The following ANO2 variants were observed in gnomAD, a reference collection of about 807,000 sequenced individuals.
ANO2 encodes anoctamin 2, also known as anoctamin-2.
Under a neutral mutation model 124.2 loss-of-function variants are expected in ANO2, and 101 were observed. The ratio of observed to expected loss-of-function variants is 0.81; its 90% CI spans 0.69 to 0.96. ANO2 has a LOEUF of 0.96. ANO2 is among the 40% of genes least tolerant of loss of function. The pLI is 0.00. For synonymous variants in ANO2, 486 were observed against 482.5 expected, an observed-to-expected ratio of 1.01 and a Z score of -0.09; for missense variants, 1,293 against 1,274.5, an observed-to-expected ratio of 1.01 and a Z score of -0.22.
chr12:5,579,226 G>A (rs1399902297), intron 20 of ANO2, among the ~76,000 whole-genome samples: 1 of 152,248 alleles, frequency 6.6e-6, no homozygotes, highest in Non-Finnish European at 1.5e-5. Context: ...TGGCCTGCAA[G>A]AAGCTGGGTT....
chr12:5,811,902 G>C (rs192324401), intron 7 of ANO2, among the ~76,000 whole-genome samples: 1 of 152,132 alleles, frequency 6.6e-6, no homozygotes, highest in South Asian at 2.1e-4. Flanking sequence ...AAGAGGGAAA[G>C]GTTGAGTTGT....
intron 10 of ANO2, among the ~76,000 whole-genome samples, chr12:5,777,654 T>C (rs1201437806): frequency 3.3e-5 from 5 of 151,912 alleles, no homozygotes; most frequent in Non-Finnish European, 5.9e-5. Context: ...GAAAAACACA[T>C]ACAGATTTTT....
intron 3 of ANO2, among the ~76,000 whole-genome samples, chr12:5,909,301 G>T (rs141828618): frequency 4.5e-4 from 68 of 152,204 alleles, no homozygotes; most frequent in African/African-American, 1.6e-3. Context: ...GCTTCCAAAG[G>T]TTTAACAAAA....
intron 10 of ANO2, among the ~76,000 whole-genome samples, chr12:5,764,295 T>A (rs1951817763): frequency 6.6e-6 from 1 of 152,220 alleles, no homozygotes; most frequent in African/African-American, 2.4e-5. Context: ...TCCATGTCAA[T>A]ACAGTAATAG....
At chr12:5,837,075 T>A (rs918563413) in intron 4 of ANO2, among the ~76,000 whole-genome samples, 1 of 152,148 alleles carries the variant, frequency 6.6e-6, no homozygotes, top group African/African-American at 2.4e-5. Context: ...CAAACAGTCA[T>A]AAGACAACTG....
intron 14 of ANO2, among the ~76,000 whole-genome samples, chr12:5,691,972 G>A (rs1948963332): frequency 6.6e-6 from 1 of 152,158 alleles, no homozygotes; most frequent in African/African-American, 2.4e-5. Context: ...AAAGATGGCA[G>A]CCAGATCTTG....
intron 14 of ANO2, among the ~76,000 whole-genome samples, chr12:5,661,489 T>C (rs914161961): frequency 6.6e-6 from 1 of 152,134 alleles, no homozygotes; most frequent in African/African-American, 2.4e-5. Flanking sequence ...CTCTAAGGGG[T>C]GCCTATAGCT....
chr12:5,658,371 T>C lies in ANO2; in HGVS notation c.1546-10570A>G, dbSNP rs1203587417. Among the ~76,000 whole-genome samples the C allele has an allele frequency of 1.7e-5, 1 of 58,412 alleles. No individual in the cohort carries two copies. The highest frequency in any genetic ancestry group is 1.4e-4 in the Admixed American group (1 of 7,274). 38.3% of individuals were successfully genotyped at this position (58,412 alleles called of 152,430 possible). A position where few individuals can be genotyped will look rare whatever the true frequency, so the allele number is the denominator to read the frequency against. On this transcript the variant is annotated intron_variant, in intron 14 of 24. Transcript: ENST00000682330. This position sits in a 1 kb window ranked among gnomAD's most constrained non-coding sequence, Gnocchi z 4.3. ...GTTAGAACCCAATACTTGTTGCCTA[T>C]CATCATCATCATCAACAACATCATC...
chr12:5,915,379 C>T (rs1941320482), intron 3 of ANO2, among the ~76,000 whole-genome samples: 1 of 151,996 alleles, frequency 6.6e-6, no homozygotes. Flanking sequence ...AAGTGAAATG[C>T]CAAATGGAAG....
intron 3 of ANO2, among the ~76,000 whole-genome samples, chr12:5,889,584 C>T (rs1344487499): frequency 6.6e-6 from 1 of 152,264 alleles, no homozygotes; most frequent in African/African-American, 2.4e-5. Flanking sequence ...CCCTGTCTTA[C>T]ACGTGTCCCA....
At chr12:5,827,659 G>C in intron 7 of ANO2, 110 bp downstream of exon 7, 2 of 1,269,944 alleles carry the variant, frequency 1.6e-6, no homozygotes, top group South Asian at 2.5e-5. Context: ...CTCCGTGGGG[G>C]GCATTTGCTT....
chr12:5,581,726 C>T (rs1324864231), intron 20 of ANO2, among the ~76,000 whole-genome samples: 2 of 152,170 alleles, frequency 1.3e-5, no homozygotes, highest in Non-Finnish European at 1.5e-5. Context: ...ATGTTCAGCA[C>T]TGGATGGCCT....
intron 3 of ANO2, 88 bp downstream of exon 3, chr12:5,920,952 G>A (rs950273723): frequency 1.5e-6 from 2 of 1,378,946 alleles, no homozygotes; most frequent in African/African-American, 2.9e-5. Flanking sequence ...ATAAAGCCTA[G>A]GCTCTCTGTC....
intron 9 of ANO2, among the ~76,000 whole-genome samples, chr12:5,801,509 C>A (rs1953037575): frequency 6.6e-6 from 1 of 152,248 alleles, no homozygotes; most frequent in South Asian, 2.1e-4. Flanking sequence ...CCCATCTGAA[C>A]ATCAGCCCTA....
At chr12:5,669,517 A>G (rs1221009058) in intron 14 of ANO2, among the ~76,000 whole-genome samples, 2 of 152,238 alleles carry the variant, frequency 1.3e-5, no homozygotes, top group East Asian at 1.9e-4. Context: ...TCCTATTTGA[A>G]TATCTTTGTT....
rs1940548334 is a variant in ANO2, at chr12:5,904,590, T to A, written c.534+16450A>T. Among the ~76,000 whole-genome samples the A allele has an allele frequency of 6.6e-6, 1 of 152,106 alleles. No homozygotes were observed. Among genetic ancestry groups the A allele is most frequent in the Non-Finnish European group, 1.5e-5 (1 of 68,004 alleles). On this transcript the variant is annotated intron_variant, in intron 3 of 24. Coordinates refer to ENST00000682330, the MANE Select transcript of ANO2 (RefSeq NM_001364791.2). This position sits in a 1 kb window ranked among gnomAD's most constrained non-coding sequence, Gnocchi z 4.1. The stretch of plus-strand genomic sequence containing the variant: ...GCAGCTGACACTCCACATCGTCCTG[T>A]CCTCCCTGCCAGAGCCCCAGGTGAC...
At chr12:5,914,059 G>A (rs1489263885) in intron 3 of ANO2, among the ~76,000 whole-genome samples, 3 of 152,076 alleles carry the variant, frequency 2.0e-5, no homozygotes, top group Non-Finnish European at 4.4e-5. Flanking sequence ...AATTAGCTGG[G>A]CATGGTGTTG....
intron 15 of ANO2, among the ~76,000 whole-genome samples, chr12:5,638,623 T>C (rs1165424354): frequency 6.6e-6 from 1 of 151,758 alleles, no homozygotes; most frequent in Non-Finnish European, 1.5e-5. Flanking sequence ...TCCATGTTTG[T>C]GGTCAATCTC....
chr12:5,612,865 G>C, intron 18 of ANO2, 36 bp downstream of exon 18: 1 of 1,612,910 alleles, frequency 6.2e-7, no homozygotes, highest in South Asian at 1.1e-5. Flanking sequence ...GGCTGGGTTG[G>C]GGTGCCAGGC....
Sources: gnomAD v4.1 joint callset for allele counts (sites outside exome capture counted in the v4.1 genomes callset) on GRCh38, gnomAD v4.1.1 for gene constraint, Gnocchi (gnomAD v3.1) non-coding constraint, MANE v1.5 for transcripts, NCBI Gene and HGNC (gene_info 2026-07-23, HGNC 2026-07-21) for gene names.